Variants in STARD9 observed in about 807,000 individuals in gnomAD.
STARD9 encodes StAR related lipid transfer domain containing 9.
A neutral mutation model predicts 399.8 loss-of-function variants in STARD9; 346 were observed. The ratio of observed to expected loss-of-function variants is 0.87; its 90% confidence interval spans 0.79 to 0.95. The LOEUF (loss-of-function observed/expected upper bound fraction) is 0.95, where lower values mean the gene tolerates loss of function less well. Ranked by LOEUF, STARD9 falls within the 40% of genes least tolerant of loss-of-function variation. The pLI, the probability that STARD9 is intolerant of heterozygous loss-of-function variation, is 0.00. For synonymous variants in STARD9, 2,203 were observed against 2,143.5 expected (o/e 1.03, Z -0.77); for missense variants, 5,832 against 5,667.5 (o/e 1.03, Z -0.93).
intron 7 of STARD9, among the ~76,000 whole-genome samples, chr15:42,644,821 CTT>C (rs1337827984): frequency 6.6e-6 from 1 of 152,196 alleles, no homozygotes; most frequent in Non-Finnish European, 1.5e-5. Flanking sequence ...TCCTGACACT[CTT>C]TTATCAACTA....
chr15:42,672,045 A>T (rs1221150598), intron 16 of STARD9: 2 of 152,222 alleles, frequency 1.3e-5, no homozygotes, highest in African/African-American at 4.8e-5. Context: ...TCTACTTCTA[A>T]TCCTGGCATT....
rs779124108 is a variant in STARD9, at chr15:42,684,532, A to G, written c.2954A>G (p.His985Arg). The G allele has an allele frequency of 1.1e-4, 171 of 1,537,128 alleles. No homozygotes were observed. In the African/African-American group the frequency reaches 2.1e-3, roughly 18 times the overall value. Reference sequence around the variant, plus strand: ...GCGAAGGGACTAGCAGACCCTAGCCACACACAAGCTGGGTGGCGAAAAGAA... The same window carrying G: ...GCGAAGGGACTAGCAGACCCTAGCCGCACACAAGCTGGGTGGCGAAAAGAA... ...RGAKGLADPS[H>R]TQAGWRKEGN... The change falls in exon 23 of 33, where the codon CAC becomes CGC. Residue 985 changes from histidine to arginine, a missense_variant. Coordinates refer to ENST00000290607, the MANE Select transcript of STARD9 (RefSeq NM_020759.3).
chr15:42,719,039 G>C, intron 32 of STARD9, 129 bp downstream of exon 32: 1 of 780,908 alleles, frequency 1.3e-6, no homozygotes, highest in Non-Finnish European at 2.0e-6. Context: ...CTGGAGACTT[G>C]AGGGCTTCCT....
At chr15:42,713,118 A>T (rs1220430611) in intron 26 of STARD9, among the ~76,000 whole-genome samples, 2 of 152,184 alleles carry the variant, frequency 1.3e-5, no homozygotes, top group Non-Finnish European at 2.9e-5. Context: ...AATTTCAACA[A>T]TGTTTCGAAG....
At chr15:42,631,292 A>G (rs1384689214) in intron 3 of STARD9, among the ~76,000 whole-genome samples, 1 of 152,078 alleles carries the variant, frequency 6.6e-6, no homozygotes, top group African/African-American at 2.4e-5. Context: ...ATTTGTTTCA[A>G]GAAATTTAGG....
chr15:42,625,141 C>T lies in STARD9; in HGVS notation c.235-9715C>T, dbSNP rs554860227. Among the ~76,000 whole-genome samples the T allele has an allele frequency of 1.8e-4, 28 of 152,256 alleles. No individual in the cohort carries two copies. In the South Asian group the frequency reaches 5.6e-3, roughly 30 times the overall value. ...TCCCAGGTTCAAACGATTCTCCTGC[C>T]TCAGCCTCCCAAGTAGCTGGGATTA... is the stretch of plus-strand genomic sequence containing the variant. On this transcript the variant is annotated intron_variant, in intron 3 of 32. Coordinates refer to ENST00000290607, the MANE Select transcript of STARD9 (RefSeq NM_020759.3).
chr15:42,638,958 A>G, intron 7 of STARD9, 146 bp downstream of exon 7: 1 of 448,322 alleles, frequency 2.2e-6, no homozygotes, highest in Non-Finnish European at 3.9e-6. Context: ...ATTGATAAAT[A>G]GAGAAGACGT....
intron 7 of STARD9, among the ~76,000 whole-genome samples, chr15:42,639,014 GAAAC>G (rs58754900): frequency 0.072 from 10,942 of 152,240 alleles, 1,190 homozygotes; most frequent in African/African-American, 0.24. Flanking sequence ...TGTGAGTCAG[GAAAC>G]AAACAATTAC....
chr15:42,599,189 G>A (rs1245436194), intron 3 of STARD9, among the ~76,000 whole-genome samples: 1 of 152,168 alleles, frequency 6.6e-6, no homozygotes, highest in Non-Finnish European at 1.5e-5. Flanking sequence ...TTCCCAAAGT[G>A]CTGGGATTAT....
intron 3 of STARD9, among the ~76,000 whole-genome samples, chr15:42,620,945 G>T (rs1364479234): frequency 6.6e-6 from 1 of 151,876 alleles, no homozygotes; most frequent in African/African-American, 2.4e-5. Context: ...GTAGAGATGG[G>T]GTTTCACCAT....
rs77096807 is a variant in STARD9 at position 42,689,926 on chromosome 15, A to G, written c.8348A>G (p.His2783Arg). ...GGCAGTCAGGACAGCAGCCCAGAGCATCAGGAACCCAGAACTCTAGACACC... is the reference window on the plus strand; with the variant it reads ...GGCAGTCAGGACAGCAGCCCAGAGCGTCAGGAACCCAGAACTCTAGACACC... ...PPGSQDSSPE[H>R]QEPRTLDTTY... The change falls in exon 23 of 33, where the codon CAT becomes CGT. Residue 2783 changes from histidine to arginine, a missense_variant. By Grantham distance (29) the His-to-Arg change is conservative. Transcript: ENST00000290607. 6,882 of 1,537,718 alleles carry G rather than the reference A, an allele frequency of 4.5e-3. 389 individuals are homozygous for G. In the Admixed American group the frequency reaches 0.1, roughly 23 times the overall value.
At chr15:42,679,631 G>C (rs1388287756) in intron 20 of STARD9, among the ~76,000 whole-genome samples, 3 of 152,152 alleles carry the variant, frequency 2.0e-5, no homozygotes, top group Non-Finnish European at 4.4e-5. Context: ...TTTCTTCCAA[G>C]GCAGGGGCGG....
chr15:42,602,490 A>C (rs2058648409), intron 3 of STARD9, among the ~76,000 whole-genome samples: 1 of 151,942 alleles, frequency 6.6e-6, no homozygotes, highest in South Asian at 2.1e-4. Flanking sequence ...ATGAAAGTAC[A>C]CTCCACAGTA....
Position 42,687,132 on chromosome 15 carries a change from A to G in STARD9, c.5554A>G (p.Thr1852Ala). 1 of 1,537,234 alleles carries G rather than the reference A, an allele frequency of 6.5e-7. No individual in the cohort carries two copies. The highest frequency in any genetic ancestry group is 8.7e-7 in the Non-Finnish European group (1 of 1,146,868). The change falls in exon 23 of 33, where the codon ACT becomes GCT. Residue 1852 changes from threonine to alanine, a missense_variant. Thr to Ala is a moderately conservative substitution (Grantham distance 58). Coordinates refer to ENST00000290607, the MANE Select transcript of STARD9 (RefSeq NM_020759.3). ...ESHDSVYSSV[T>A]QNRHFLPSTS... ...CCATGATTCAGTTTATTCTTCTGTTACTCAGAACAGACATTTTCTCCCCTC... is the reference window on the plus strand; with the variant it reads ...CCATGATTCAGTTTATTCTTCTGTTGCTCAGAACAGACATTTTCTCCCCTC...
intron 3 of STARD9, among the ~76,000 whole-genome samples, chr15:42,590,202 A>G (rs963631991): frequency 1.3e-5 from 2 of 151,394 alleles, no homozygotes; most frequent in African/African-American, 4.9e-5. Flanking sequence ...GGCTCAAACG[A>G]TCTGCCTGCC....
At chr15:42,638,420 G>C (rs1162272603) in intron 6 of STARD9, among the ~76,000 whole-genome samples, 1 of 152,106 alleles carries the variant, frequency 6.6e-6, no homozygotes, top group Non-Finnish European at 1.5e-5. Flanking sequence ...GTGGCTGGGT[G>C]CGGTGAATCT....
Position 42,669,239 on chromosome 15 carries a change from A to C in STARD9, c.1399A>C (p.Arg467=). The change falls in exon 16 of 33, where the codon AGG becomes CGG. Residue 467 remains arginine, a synonymous_variant. Coordinates refer to ENST00000290607, the MANE Select transcript of STARD9 (RefSeq NM_020759.3). ...GGAGCATTACAGTGTGGACATCAAC[A>C]GGAGGAGGGCTGGGGTGGTCATCGA... ...LMEHYSVDIN[R]RRAGVVIDSS... The C allele has an allele frequency of 6.5e-7, 1 of 1,537,162 alleles. No individual in the cohort carries two copies. The highest frequency in any genetic ancestry group is 8.7e-7 in the Non-Finnish European group (1 of 1,146,830).
At position 42,692,464 on chromosome 15, in the gene STARD9, C is replaced by G. The variant is rs775011384; in HGVS notation, c.10886C>G (p.Pro3629Arg). The change falls in exon 23 of 33, where the codon CCT (proline) becomes CGT (arginine). Residue 3629 changes from proline to arginine, a missense_variant. Pro to Arg is a moderately radical substitution (Grantham distance 103). Around this residue, in one of 2 missense-constraint regions of STARD9, gnomAD observed 5,828 missense variants for 5,651.1 expected, o/e 1.03. Coordinates refer to ENST00000290607, the MANE Select transcript of STARD9 (RefSeq NM_020759.3). Reference protein sequence around the residue: ...MLLYPSEAGCPVGQTRTNTFE... With the variant: ...MLLYPSEAGCRVGQTRTNTFE... The stretch of plus-strand genomic sequence containing the variant: ...CTGTATCCATCAGAGGCAGGCTGCC[C>G]TGTGGGACAGACCAGGACGAACACA... The G allele has an allele frequency of 6.5e-7, 1 of 1,537,090 alleles. No homozygotes were observed. Among genetic ancestry groups the G allele is most frequent in the South Asian group, 1.2e-5 (1 of 84,064 alleles).
chr15:42,678,139 G>A (rs2060350012), intron 20 of STARD9, among the ~76,000 whole-genome samples: 1 of 152,222 alleles, frequency 6.6e-6, no homozygotes, highest in East Asian at 1.9e-4. Flanking sequence ...CCAATCCCTG[G>A]TGGAGGTGGT....
Sources: allele counts gnomAD v4.1 joint callset (sites outside exome capture counted in the v4.1 genomes callset), GRCh38; gene constraint gnomAD v4.1.1; regional missense constraint gnomAD v4.1.1; transcripts MANE v1.5; gene names NCBI Gene and HGNC (gene_info 2026-07-23, HGNC 2026-07-21).